The following STXBP3 variants were observed in gnomAD, a reference collection of about 807,000 sequenced individuals.
The protein encoded by STXBP3 is syntaxin binding protein 3.
STXBP3 carries 41 observed loss-of-function variants against 85.7 expected under a neutral mutation model. That is an observed-to-expected ratio of 0.48 (90% CI 0.37 to 0.62). The LOEUF (loss-of-function observed/expected upper bound fraction) is 0.62, where lower values mean the gene tolerates loss of function less well. Among genes scored for constraint, STXBP3 ranks in the 20% least tolerant of loss-of-function variants. STXBP3 has a pLI of 0.00. For synonymous variants in STXBP3, 229 were observed against 231.7 expected (o/e 0.99, Z 0.10); for missense variants, 563 against 703.1 (o/e 0.80, Z 2.25).
intron 17 of STXBP3, among the ~76,000 whole-genome samples, chr1:108,803,552 G>A (rs374237256): frequency 2.6e-5 from 4 of 152,218 alleles, no homozygotes; most frequent in East Asian, 3.9e-4. Flanking sequence ...GCAGTGGCAC[G>A]ATCTCGGCTC....
rs535198345 is a variant in STXBP3, at chr1:108,787,740, ATTCTT to A, written c.963+5035_963+5039del. Among the ~76,000 whole-genome samples the A allele has an allele frequency of 3.8e-3, 579 of 151,938 alleles. 2 individuals carry two copies. Among genetic ancestry groups the A allele is most frequent in the African/African-American group, 0.013 (555 of 41,468 alleles). On this transcript the variant is annotated intron_variant, in intron 11 of 18. Transcript: ENST00000370008. ...TATCAGATTAAGGATGTTCCTTTCT[ATTCTT>A]AGTTTACCAACAGGTTTTTATGTGT...
rs535572759 is a variant in STXBP3 at position 108,809,016 on chromosome 1, TTTATGA to T, written c.*144_*149del. The T allele has an allele frequency of 2.9e-4, 167 of 575,796 alleles. No individual in the cohort carries two copies. In the African/African-American group the frequency reaches 2.9e-3, roughly 10 times the overall value. The allele number at this position is 575,796 out of a possible 1,614,324, so 35.7% of individuals were successfully genotyped here. On this transcript the variant is annotated 3_prime_UTR_variant, in exon 19 of 19. Coordinates refer to ENST00000370008, the MANE Select transcript of STXBP3 (RefSeq NM_007269.4). ...TTCAAATACATTTCTTAAGGAACTGTTTATGATTATTACTGGATTTGTCATTTTTGA... is the reference window on the plus strand; with the variant it reads ...TTCAAATACATTTCTTAAGGAACTGTTTATTACTGGATTTGTCATTTTTGA...
At chr1:108,746,935 T>C in intron 1 of STXBP3, 149 bp downstream of exon 1, 1 of 775,240 alleles carries the variant, frequency 1.3e-6, no homozygotes, top group Non-Finnish European at 2.1e-6. Context: ...CTTCCTGCTT[T>C]CCTGCCCTGC....
chr1:108,784,571 C>T (rs972352878), intron 11 of STXBP3, among the ~76,000 whole-genome samples: 2 of 152,150 alleles, frequency 1.3e-5, no homozygotes, highest in African/African-American at 4.8e-5. Flanking sequence ...AGAGCCAAAC[C>T]GTATCATTCT....
intron 3 of STXBP3, among the ~76,000 whole-genome samples, chr1:108,753,637 ATACT>A (rs1392134376): frequency 2.0e-5 from 3 of 152,150 alleles, no homozygotes; most frequent in Admixed American, 6.5e-5. Flanking sequence ...AAAATTTGAA[ATACT>A]TACAGATTCT....
Position 108,772,334 on chromosome 1 carries a change from C to A in STXBP3, c.439-331C>A, listed in dbSNP as rs183640611. On this transcript the variant is annotated intron_variant, in intron 6 of 18. Transcript: ENST00000370008. ...ATATAAATACATATGATATCTGTAT[C>A]ATATATAAATACATATGATATCTGT... Among the ~76,000 whole-genome samples, 121 of 55,236 alleles carry A rather than the reference C, an allele frequency of 2.2e-3. 33 individuals carry two copies. Among genetic ancestry groups the A allele is most frequent in the African/African-American group, 7.8e-3 (107 of 13,748 alleles). The allele number at this position is 55,236 out of a possible 152,430, so 36.2% of individuals were successfully genotyped here. A position where few individuals can be genotyped will look rare whatever the true frequency, so the allele number is the denominator to read the frequency against.
At chr1:108,803,537 G>A (rs553198057) in intron 17 of STXBP3, among the ~76,000 whole-genome samples, 4 of 152,130 alleles carry the variant, frequency 2.6e-5, no homozygotes, top group Non-Finnish European at 4.4e-5. Flanking sequence ...CATCCAGGCC[G>A]CAGTGCAGTG....
intron 11 of STXBP3, among the ~76,000 whole-genome samples, chr1:108,789,263 G>A (rs537456274): frequency 1.4e-3 from 209 of 152,128 alleles, no homozygotes; most frequent in Non-Finnish European, 2.3e-3. Flanking sequence ...AGCCCAGGAC[G>A]GCTGTGAATG....
intron 6 of STXBP3, 139 bp downstream of exon 6, chr1:108,760,224 C>A: frequency 1.9e-6 from 1 of 520,474 alleles, no homozygotes; most frequent in Non-Finnish European, 3.3e-6. Context: ...TAGACATTTC[C>A]CATGATGAAG....
Position 108,772,693 on chromosome 1 carries a change from T to A in STXBP3, c.467T>A (p.Phe156Tyr). 6.5e-7 allele frequency: 1 copy of A among 1,549,530 alleles called. No individual in the cohort carries two copies. Among genetic ancestry groups the A allele is most frequent in the Non-Finnish European group, 8.7e-7 (1 of 1,144,310 alleles). ...QVYTLDVPDA[F>Y]YYCYSPDPGN... ...TATACTCTTGATGTACCAGATGCAT[T>A]CTATTACTGTTATAGTCCAGACCCT... Residue 156 changes from phenylalanine (F) to tyrosine (Y), a missense_variant, in exon 7 of 19, where the codon TTC becomes TAC. Physicochemically the swap from Phe to Tyr is conservative, Grantham distance 22. Around this residue, in one of 3 missense-constraint regions of STXBP3, gnomAD observed 494 missense variants for 592.8 expected, o/e 0.83. Coordinates refer to ENST00000370008, the MANE Select transcript of STXBP3 (RefSeq NM_007269.4).
intron 11 of STXBP3, among the ~76,000 whole-genome samples, chr1:108,789,022 C>T (rs1662921321): frequency 1.3e-5 from 2 of 152,010 alleles, no homozygotes; most frequent in Admixed American, 6.5e-5. Context: ...CAAGATAGTG[C>T]CACTGCACTT....
rs745431080 is a variant in STXBP3 at position 108,758,553 on chromosome 1, A to C, written c.302A>C (p.Asn101Thr). 4.5e-6 allele frequency: 7 copies of C among 1,548,392 alleles called. No homozygotes were observed. The highest frequency in any genetic ancestry group is 6.1e-6 in the Non-Finnish European group (7 of 1,143,050). Residue 101 changes from asparagine (N) to threonine (T), a missense_variant, in exon 5 of 19, where the codon AAC becomes ACC. Physicochemically the swap from Asn to Thr is moderately conservative, Grantham distance 65. Transcript: ENST00000370008. ...FLHDFASKSE[N>T]KYKAAYIYFT... ...CATGATTTTGCAAGTAAATCGGAGA[A>C]CAAGTATAAAGCAGCATATATTTAC...
chr1:108,791,452 C>T (rs948716633), intron 11 of STXBP3, among the ~76,000 whole-genome samples: 11 of 152,026 alleles, frequency 7.2e-5, no homozygotes, highest in Non-Finnish European at 1.6e-4. Flanking sequence ...CCCATCCTCT[C>T]TCTTCTCTCT....
At chr1:108,789,829 G>T (rs1291665503) in intron 11 of STXBP3, among the ~76,000 whole-genome samples, 1 of 151,948 alleles carries the variant, frequency 6.6e-6, no homozygotes, top group Non-Finnish European at 1.5e-5. Flanking sequence ...ACTTTGAGTG[G>T]CCAAGGCAGG....
At position 108,756,195 on chromosome 1, in the gene STXBP3, A is replaced by G. The variant is rs530355051; in HGVS notation, c.182-495A>G. On this transcript the variant is annotated intron_variant, in intron 3 of 18. Coordinates refer to ENST00000370008, the MANE Select transcript of STXBP3 (RefSeq NM_007269.4). The stretch of plus-strand genomic sequence containing the variant: ...AGTGATGTTCTGTTGTTGAAAAAAT[A>G]CTTTATAAATATGTGTGGTTTTGAA... Among the ~76,000 whole-genome samples, 459 of 152,322 alleles carry G rather than the reference A, an allele frequency of 3.0e-3. No individual in the cohort carries two copies. The Middle Eastern group carries it at 0.048, about 16-fold the overall frequency.
chr1:108,758,629 C>A, intron 5 of STXBP3, 41 bp downstream of exon 5: 1 of 1,171,358 alleles, frequency 8.5e-7, no homozygotes, highest in Non-Finnish European at 1.2e-6. Context: ...GTTCAAAATG[C>A]CATTGGTTTT....
Sources: allele counts gnomAD v4.1 joint callset (sites outside exome capture counted in the v4.1 genomes callset), GRCh38; gene constraint gnomAD v4.1.1; regional missense constraint gnomAD v4.1.1; transcripts MANE v1.5; gene names NCBI Gene and HGNC (gene_info 2026-07-23, HGNC 2026-07-21).